Variants in SCFD2 observed in about 807,000 individuals in gnomAD.
SCFD2 encodes sec1 family domain-containing protein 2.
A neutral mutation model predicts 58.9 loss-of-function variants in SCFD2; 54 were observed. The ratio of observed to expected loss-of-function variants is 0.92; its 90% CI spans 0.74 to 1.15. The LOEUF (loss-of-function observed/expected upper bound fraction) is 1.15. SCFD2 is among the 50% of genes most tolerant of loss of function. The pLI is 0.00. For missense variants in SCFD2, 805 were observed against 836.6 expected (o/e 0.96, Z 0.47); for synonymous variants, 321 against 335.9 (o/e 0.96, Z 0.49).
At chr4:53,351,443 TATCATTTC>T (rs1734217615) in intron 2 of SCFD2, among the ~76,000 whole-genome samples, 1 of 152,260 alleles carries the variant, frequency 6.6e-6, no homozygotes, top group Non-Finnish European at 1.5e-5. Flanking sequence ...CTTAACTTCA[TATCATTTC>T]TATTCTTTTC....
rs1351122528 is a variant in SCFD2 at position 53,366,022 on chromosome 4, G to A, written c.-81C>T. On this transcript the variant is annotated 5_prime_UTR_variant, in exon 1 of 9. Coordinates refer to ENST00000401642, the MANE Select transcript of SCFD2 (RefSeq NM_152540.4). ...ACCGCTTCCGGAAATTGGGCTCCGGGAGACTTTGACAGTCTCCACAGTACA... is the reference window on the plus strand; with the variant it reads ...ACCGCTTCCGGAAATTGGGCTCCGGAAGACTTTGACAGTCTCCACAGTACA... The A allele has an allele frequency of 1.3e-6, 2 of 1,483,112 alleles. No homozygotes were observed. Among genetic ancestry groups the A allele is most frequent in the African/African-American group, 1.4e-5 (1 of 71,214 alleles). The allele number at this position is 1,483,112 out of a possible 1,614,324, so 91.9% of individuals were successfully genotyped here.
chr4:53,304,099 TA>T (rs1436822875), intron 3 of SCFD2, among the ~76,000 whole-genome samples: 4 of 7,198 alleles, frequency 5.6e-4, no homozygotes, highest in African/African-American at 6.4e-4. Flanking sequence ...ACTTAAATAA[TA>T]ATAAAAAAAA....
intron 3 of SCFD2, among the ~76,000 whole-genome samples, chr4:53,301,422 GA>G (rs890529160): frequency 2.6e-5 from 4 of 151,920 alleles, no homozygotes; most frequent in Admixed American, 2.6e-4. Flanking sequence ...TCTCTGAATA[GA>G]CCAATAACAG....
At chr4:52,897,207 G>A (rs577033675) in intron 7 of SCFD2, among the ~76,000 whole-genome samples, 1 of 152,326 alleles carries the variant, frequency 6.6e-6, no homozygotes, top group South Asian at 2.1e-4. Flanking sequence ...AACAGGAGTG[G>A]TGAGAGAGGG....
chr4:53,328,849 A>G (rs1733310255), intron 2 of SCFD2, among the ~76,000 whole-genome samples: 1 of 152,196 alleles, frequency 6.6e-6, no homozygotes, highest in Non-Finnish European at 1.5e-5. Flanking sequence ...TCATCTCACT[A>G]GGGAGTGCCA....
At chr4:52,972,858 G>T (rs1257426487) in intron 5 of SCFD2, among the ~76,000 whole-genome samples, 1 of 152,204 alleles carries the variant, frequency 6.6e-6, no homozygotes, top group Non-Finnish European at 1.5e-5. Flanking sequence ...TCAGGATTAA[G>T]AAACTCACTC....
At chr4:52,981,240 A>C (rs1721369518) in intron 5 of SCFD2, among the ~76,000 whole-genome samples, 1 of 152,330 alleles carries the variant, frequency 6.6e-6, no homozygotes, top group South Asian at 2.1e-4. Context: ...GCCAATGAAC[A>C]TACAAACTCA....
At chr4:52,911,008 T>C (rs1439653340) in intron 6 of SCFD2, among the ~76,000 whole-genome samples, 3 of 152,078 alleles carry the variant, frequency 2.0e-5, no homozygotes, top group Admixed American at 1.3e-4. Context: ...GGAATGTCTT[T>C]ATTAGCAGCA....
chr4:53,205,852 A>G (rs1166282732), intron 4 of SCFD2, among the ~76,000 whole-genome samples: 4 of 151,728 alleles, frequency 2.6e-5, no homozygotes, highest in Non-Finnish European at 4.4e-5. Flanking sequence ...ATTGAGCGAG[A>G]CTGTCTCAAA....
At chr4:53,079,354 C>A (rs571100030) in intron 5 of SCFD2, among the ~76,000 whole-genome samples, 2 of 152,272 alleles carry the variant, frequency 1.3e-5, no homozygotes, top group African/African-American at 4.8e-5. Flanking sequence ...TCTACCAATT[C>A]AAATGCAAAT....
At chr4:53,180,266 G>A (rs1727501310) in intron 4 of SCFD2, among the ~76,000 whole-genome samples, 1 of 152,074 alleles carries the variant, frequency 6.6e-6, no homozygotes, top group Non-Finnish European at 1.5e-5. Context: ...GCACTCCTCA[G>A]CAAAAGTAAA....
intron 7 of SCFD2, among the ~76,000 whole-genome samples, chr4:52,886,962 T>C (rs1370877622): frequency 6.6e-6 from 1 of 152,238 alleles, no homozygotes; most frequent in African/African-American, 2.4e-5. Context: ...CTTCAAAGCA[T>C]CTACAGCAGC....
intron 4 of SCFD2, among the ~76,000 whole-genome samples, chr4:53,269,035 T>C (rs1731079649): frequency 1.3e-5 from 2 of 152,130 alleles, no homozygotes; most frequent in Non-Finnish European, 2.9e-5. Flanking sequence ...AGCTATGATA[T>C]TAGACCAAGT....
intron 4 of SCFD2, among the ~76,000 whole-genome samples, chr4:53,216,311 C>A (rs1202900124): frequency 6.6e-6 from 1 of 152,144 alleles, no homozygotes; most frequent in Non-Finnish European, 1.5e-5. Flanking sequence ...TTAATTATTG[C>A]CTCAATTTCA....
chr4:52,901,423 C>T (rs1188709154), intron 7 of SCFD2, among the ~76,000 whole-genome samples: 3 of 152,178 alleles, frequency 2.0e-5, no homozygotes, highest in African/African-American at 4.8e-5. Flanking sequence ...AAGGCTAGGC[C>T]ATAAAATACA....
chr4:53,024,137 C>T (rs1239179827), intron 5 of SCFD2, among the ~76,000 whole-genome samples: 3 of 152,106 alleles, frequency 2.0e-5, no homozygotes, highest in African/African-American at 7.2e-5. Flanking sequence ...CTTGTGGCTG[C>T]GCTTCTAAAA....
At chr4:53,069,430 A>T (rs1008444363) in intron 5 of SCFD2, among the ~76,000 whole-genome samples, 2 of 152,084 alleles carry the variant, frequency 1.3e-5, no homozygotes, top group African/African-American at 4.8e-5. Context: ...TGGGCTGCAT[A>T]CAGACTTCAT....
intron 2 of SCFD2, among the ~76,000 whole-genome samples, chr4:53,336,538 T>C: frequency 6.6e-6 from 1 of 152,114 alleles, no homozygotes; most frequent in East Asian, 1.9e-4. Flanking sequence ...TTTATTTATT[T>C]ATTTGAGTTG....
intron 5 of SCFD2, among the ~76,000 whole-genome samples, chr4:53,023,086 A>G (rs1722388519): frequency 6.6e-6 from 1 of 152,170 alleles, no homozygotes; most frequent in South Asian, 2.1e-4. Flanking sequence ...TCTTCTTGAG[A>G]CCTTTGTGCA....
Sources: allele counts gnomAD v4.1 joint callset (sites outside exome capture counted in the v4.1 genomes callset), GRCh38; gene constraint gnomAD v4.1.1; transcripts MANE v1.5; gene names NCBI Gene and HGNC (gene_info 2026-07-23, HGNC 2026-07-21).